The following DNM3 variants were observed in gnomAD, a reference collection of about 807,000 sequenced individuals.
The protein encoded by DNM3 is dynamin 3, also known as dynamin-3.
In DNM3, 47 loss-of-function variants were observed where a neutral mutation model predicts 101.6. The observed-to-expected ratio is 0.46, with a 90% CI of 0.37 to 0.59. The LOEUF (loss-of-function observed/expected upper bound fraction) is 0.59, where lower values mean the gene tolerates loss of function less well. Ranked by LOEUF, DNM3 falls within the 20% of genes least tolerant of loss-of-function variation. DNM3 has a pLI of 0.00. For synonymous variants in DNM3, 385 were observed against 387.9 expected (o/e 0.99, Z 0.09); for missense variants, 849 against 1,085.7 (o/e 0.78, Z 3.06).
At chr1:172,028,785 A>G (rs1476333537) in intron 4 of DNM3, among the ~76,000 whole-genome samples, 1 of 152,242 alleles carries the variant, frequency 6.6e-6, no homozygotes, top group Non-Finnish European at 1.5e-5. Flanking sequence ...AAACACCTCT[A>G]TGCAAATAAA....
chr1:172,136,010 A>G (rs182423710), intron 14 of DNM3, among the ~76,000 whole-genome samples: 140 of 152,248 alleles, frequency 9.2e-4, no homozygotes, highest in African/African-American at 2.7e-3. Flanking sequence ...AAAGATTTAA[A>G]TCATAATGAG....
rs116589919 is a variant in DNM3, at chr1:171,939,550, C to T, written c.235+17729C>T. Among the ~76,000 whole-genome samples, 466 of 152,220 alleles carry T rather than the reference C, an allele frequency of 3.1e-3. 4 individuals carry two copies. Among genetic ancestry groups the T allele is most frequent in the African/African-American group, 0.01 (421 of 41,540 alleles). ...AGAATTAATGTCTGCTAAAAGAGAT[C>T]GGATGGAAGAAAGACAAGTTCCTTA... is the stretch of plus-strand genomic sequence containing the variant. On this transcript the variant is annotated intron_variant, in intron 2 of 20. Transcript: ENST00000627582.
chr1:172,084,459 G>C (rs1367724995), intron 12 of DNM3, among the ~76,000 whole-genome samples: 1 of 152,068 alleles, frequency 6.6e-6, no homozygotes, highest in Admixed American at 6.6e-5. Context: ...CTCTAAATGT[G>C]ATATTTTGCC....
At chr1:171,989,847 C>A (rs2045519679) in intron 4 of DNM3, among the ~76,000 whole-genome samples, 1 of 152,022 alleles carries the variant, frequency 6.6e-6, no homozygotes. Flanking sequence ...TTCTTCAGTT[C>A]TAGGAATTTT....
chr1:172,346,855 A>T lies in DNM3; in HGVS notation c.1893+23515A>T, dbSNP rs2066966226. ...GGTGGCCAAATAATGCCTGGCAAAC[A>T]GGTGTAAAGCTTAGTACATTCCAAG... On this transcript the variant is annotated intron_variant, in intron 17 of 20. Transcript: ENST00000627582. Among the ~76,000 whole-genome samples the T allele has an allele frequency of 3.9e-5, 6 of 152,216 alleles. No homozygotes were observed. The South Asian group carries it at 1.2e-3, about 32-fold the overall frequency.
chr1:172,129,351 T>A (rs554009064), intron 13 of DNM3, among the ~76,000 whole-genome samples: 1 of 152,356 alleles, frequency 6.6e-6, no homozygotes, highest in South Asian at 2.1e-4. Context: ...TTCATATATA[T>A]ACATTCTCAT....
chr1:172,063,285 G>A (rs1331791208), intron 10 of DNM3, among the ~76,000 whole-genome samples: 2 of 152,130 alleles, frequency 1.3e-5, no homozygotes, highest in East Asian at 1.9e-4. Context: ...TACTAGCATA[G>A]CGTAGATCTT....
At chr1:172,073,584 A>T (rs1304196584) in intron 11 of DNM3, among the ~76,000 whole-genome samples, 1 of 152,154 alleles carries the variant, frequency 6.6e-6, no homozygotes, top group African/African-American at 2.4e-5. Context: ...TTGAGGAAGT[A>T]CCCACTGGGG....
At chr1:172,397,798 C>T (rs1023497432) in intron 20 of DNM3, among the ~76,000 whole-genome samples, 1 of 151,850 alleles carries the variant, frequency 6.6e-6, no homozygotes, top group Non-Finnish European at 1.5e-5. Context: ...GACCTTTTTG[C>T]CATATGTGGC....
intron 17 of DNM3, among the ~76,000 whole-genome samples, chr1:172,356,533 C>T (rs2067460138): frequency 6.6e-6 from 1 of 151,964 alleles, no homozygotes; most frequent in African/African-American, 2.4e-5. Context: ...AATGAAAGAG[C>T]CATAGACTCC....
At chr1:171,972,764 G>T (rs1233148321) in intron 2 of DNM3, among the ~76,000 whole-genome samples, 1 of 152,100 alleles carries the variant, frequency 6.6e-6, no homozygotes, top group Admixed American at 6.6e-5. Context: ...CAGGAGAATC[G>T]CTTGAACTCG....
intron 14 of DNM3, among the ~76,000 whole-genome samples, chr1:172,192,323 C>T (rs1415860742): frequency 2.0e-5 from 3 of 150,518 alleles, no homozygotes; most frequent in Non-Finnish European, 4.4e-5. Context: ...GTTGAACCAG[C>T]CTTGCATCCC....
At chr1:172,169,702 G>A (rs562188571) in intron 14 of DNM3, among the ~76,000 whole-genome samples, 1 of 151,908 alleles carries the variant, frequency 6.6e-6, no homozygotes, top group African/African-American at 2.4e-5. Flanking sequence ...TCATGAACAA[G>A]ATTGACTTAC....
intron 14 of DNM3, among the ~76,000 whole-genome samples, chr1:172,135,031 C>T (rs1437588544): frequency 3.3e-5 from 5 of 151,994 alleles, no homozygotes; most frequent in Admixed American, 6.6e-5. Flanking sequence ...TGGAAGAGGG[C>T]GAAACTGGAC....
chr1:172,374,186 C>A (rs1232418162), intron 17 of DNM3, among the ~76,000 whole-genome samples: 2 of 152,014 alleles, frequency 1.3e-5, no homozygotes, highest in Non-Finnish European at 2.9e-5. Context: ...TTTCATCTTT[C>A]CTTTCAACAA....
chr1:172,084,365 A>G (rs915394395), intron 12 of DNM3, among the ~76,000 whole-genome samples: 7 of 152,078 alleles, frequency 4.6e-5, no homozygotes, highest in East Asian at 1.9e-4. Flanking sequence ...TGATTACTAG[A>G]TGTACCATTT....
At chr1:172,338,916 T>G in intron 17 of DNM3, 1 of 419,822 alleles carries the variant, frequency 2.4e-6, no homozygotes, top group South Asian at 1.7e-5. Flanking sequence ...TGTGCAGGTG[T>G]ATAGTTTTAG....
chr1:172,342,666 C>T (rs948832612), intron 17 of DNM3, among the ~76,000 whole-genome samples: 3 of 152,076 alleles, frequency 2.0e-5, no homozygotes, highest in Non-Finnish European at 4.4e-5. Flanking sequence ...GTACACCAAA[C>T]CCCCATGACA....
intron 4 of DNM3, among the ~76,000 whole-genome samples, chr1:172,023,437 AG>A (rs1288365067): frequency 6.6e-6 from 1 of 152,130 alleles, no homozygotes; most frequent in African/African-American, 2.4e-5. Context: ...TTAGAATTCT[AG>A]GTTAGAAATG....
Sources: allele counts gnomAD v4.1 joint callset (sites outside exome capture counted in the v4.1 genomes callset), GRCh38; gene constraint gnomAD v4.1.1; transcripts MANE v1.5; gene names NCBI Gene and HGNC (gene_info 2026-07-23, HGNC 2026-07-21).